TNR: variants seen among roughly 807,000 people sequenced by gnomAD.
The protein encoded by TNR is tenascin-R.
TNR carries 45 observed loss-of-function variants against 150.4 expected under a neutral mutation model. The ratio of observed to expected loss-of-function variants is 0.30; its 90% CI spans 0.24 to 0.38. The LOEUF is 0.38. Among genes scored for constraint, TNR ranks in the 10% least tolerant of loss-of-function variants. The probability of loss-of-function intolerance (pLI) is 1.00; values close to 1 mark genes in which losing one functional copy is unlikely to be tolerated. For synonymous variants in TNR, 687 were observed against 678.4 expected, an observed-to-expected ratio of 1.01 and a Z score of -0.20; for missense variants, 1,544 against 1,759.1, an observed-to-expected ratio of 0.88 and a Z score of 2.19.
intron 8 of TNR, among the ~76,000 whole-genome samples, chr1:175,381,664 C>T (rs986301643): frequency 2.6e-5 from 4 of 152,128 alleles, no homozygotes; most frequent in African/African-American, 7.2e-5. Context: ...AAGTCAAGAG[C>T]GAGGCAAAGA....
rs7517164 is a variant in TNR, at chr1:175,586,464, C to G, written c.-164-58095G>C. Among the ~76,000 whole-genome samples, 1,221 of 152,206 alleles carry G rather than the reference C, an allele frequency of 8.0e-3. 13 individuals carry two copies. The highest frequency in any genetic ancestry group is 0.028 in the African/African-American group (1,165 of 41,532). On this transcript the variant is annotated intron_variant, in intron 1 of 22. Transcript: ENST00000367674. ...TACAGGCATCCGCCACCATGGCCGG[C>G]TAATTTTTGTGTTTTTAGTAGAGAC...
At chr1:175,518,153 GT>G (rs1183554358) in intron 2 of TNR, among the ~76,000 whole-genome samples, 1 of 152,164 alleles carries the variant, frequency 6.6e-6, no homozygotes, top group Non-Finnish European at 1.5e-5. Context: ...AAGCAGTTGT[GT>G]TTACACATCT....
At chr1:175,674,655 T>C (rs1441307917) in intron 1 of TNR, among the ~76,000 whole-genome samples, 1 of 152,122 alleles carries the variant, frequency 6.6e-6, no homozygotes, top group Non-Finnish European at 1.5e-5. Flanking sequence ...TCTAGACGCT[T>C]GTTCACCCTA....
intron 4 of TNR, among the ~76,000 whole-genome samples, chr1:175,402,277 G>A (rs936175455): frequency 5.2e-5 from 6 of 114,990 alleles, no homozygotes; most frequent in African/African-American, 6.8e-5. Flanking sequence ...ACTGCAGTCC[G>A]CAATCCGGCC....
chr1:175,548,175 C>T (rs770868474), intron 1 of TNR, among the ~76,000 whole-genome samples: 8 of 152,108 alleles, frequency 5.3e-5, no homozygotes, highest in Non-Finnish European at 1.0e-4. Context: ...GGCACTTCTG[C>T]GGAGAGGAAT....
In TNR at chr1:175,576,813, C is replaced by T. The variant is rs116159470; in HGVS notation, c.-164-48444G>A. Among the ~76,000 whole-genome samples, 1,272 of 152,178 alleles carry T rather than the reference C, an allele frequency of 8.4e-3. 10 individuals are homozygous for T. Among genetic ancestry groups the T allele is most frequent in the African/African-American group, 0.029 (1,183 of 41,492 alleles). ...CTCTTCCATGAAGCCTTCTTAAACC[C>T]CCAAACCAAAATAAGGCTCCTCTTC... On this transcript the variant is annotated intron_variant, in intron 1 of 22. Transcript: ENST00000367674.
intron 2 of TNR, among the ~76,000 whole-genome samples, chr1:175,421,426 C>T (rs1654753186): frequency 6.6e-6 from 1 of 152,302 alleles, no homozygotes; most frequent in African/African-American, 2.4e-5. Context: ...GAGCAAGACA[C>T]TAGTTCTATT....
chr1:175,390,733 G>A (rs1485380), intron 7 of TNR, among the ~76,000 whole-genome samples: 100,172 of 151,536 alleles, frequency 0.66, 33,287 homozygotes, highest in East Asian at 0.83. Flanking sequence ...TCACTTCTGA[G>A]TATGTTCTGA....
At chr1:175,418,945 A>G (rs1340330823) in intron 2 of TNR, among the ~76,000 whole-genome samples, 1 of 152,236 alleles carries the variant, frequency 6.6e-6, no homozygotes, top group Admixed American at 6.5e-5. Context: ...AACATGATTA[A>G]GAGGCCCTTT....
intron 18 of TNR, among the ~76,000 whole-genome samples, chr1:175,342,063 T>C (rs1417198148): frequency 2.0e-5 from 3 of 152,138 alleles, no homozygotes; most frequent in Non-Finnish European, 4.4e-5. Flanking sequence ...TATAACAGAG[T>C]GTCTGTTGGG....
intron 2 of TNR, among the ~76,000 whole-genome samples, chr1:175,508,268 A>G (rs1427909548): frequency 6.6e-6 from 1 of 152,178 alleles, no homozygotes. Context: ...CTAGAACTTA[A>G]AGTAAAATTA....
At position 175,587,548 on chromosome 1, in the gene TNR, C is replaced by A. The variant is rs146852067; in HGVS notation, c.-164-59179G>T. 3.6e-3 allele frequency among the ~76,000 whole-genome samples: 541 copies of A among 152,086 alleles called. 1 individual carries two copies. Among genetic ancestry groups the A allele is most frequent in the Middle Eastern group, 0.01 (3 of 294 alleles). On this transcript the variant is annotated intron_variant, in intron 1 of 22. Transcript: ENST00000367674. ...GTTCTCTCCTTTTTTCAAATTGGCC[C>A]AGCAACAAAGTTGTGTAGCATGCTC... is the stretch of plus-strand genomic sequence containing the variant.
intron 1 of TNR, among the ~76,000 whole-genome samples, chr1:175,588,751 T>C (rs1438974099): frequency 1.3e-5 from 2 of 152,212 alleles, no homozygotes; most frequent in African/African-American, 2.4e-5. Context: ...CCTCTCTTTT[T>C]ACACATGAAT....
At chr1:175,660,930 G>A (rs1665348541) in intron 1 of TNR, among the ~76,000 whole-genome samples, 1 of 152,214 alleles carries the variant, frequency 6.6e-6, no homozygotes, top group East Asian at 1.9e-4. Flanking sequence ...CTGGGAGTGA[G>A]GGTCATGCCC....
At chr1:175,353,146 G>C (rs1200051910) in intron 18 of TNR, among the ~76,000 whole-genome samples, 1 of 151,476 alleles carries the variant, frequency 6.6e-6, no homozygotes, top group East Asian at 1.9e-4. Flanking sequence ...GAGAGGCACA[G>C]TGGGAGGTGG....
intron 1 of TNR, among the ~76,000 whole-genome samples, chr1:175,668,642 A>G (rs1365695061): frequency 6.6e-6 from 1 of 152,242 alleles, no homozygotes; most frequent in East Asian, 1.9e-4. Flanking sequence ...TACACCGGAC[A>G]CAGCTGTAAT....
chr1:175,714,521 G>A (rs189611662), intron 1 of TNR, among the ~76,000 whole-genome samples: 9 of 152,266 alleles, frequency 5.9e-5, no homozygotes, highest in Admixed American at 5.9e-4. Context: ...TCAAATTCTA[G>A]ATAGATGGGC....
chr1:175,624,190 A>C (rs890566897), intron 1 of TNR, among the ~76,000 whole-genome samples: 4 of 152,082 alleles, frequency 2.6e-5, no homozygotes, highest in Non-Finnish European at 4.4e-5. Context: ...CTCTTAATGT[A>C]TCTTTTGGTA....
chr1:175,358,011 G>T (rs10489318), intron 15 of TNR, among the ~76,000 whole-genome samples: 44,318 of 152,128 alleles, frequency 0.29, 6,820 homozygotes, highest in Non-Finnish European at 0.34. Context: ...AAGAGATAGG[G>T]TTGAAACCAC....
Sources: allele counts gnomAD v4.1 joint callset (sites outside exome capture counted in the v4.1 genomes callset), GRCh38; gene constraint gnomAD v4.1.1; transcripts MANE v1.5; gene names NCBI Gene and HGNC (gene_info 2026-07-23, HGNC 2026-07-21).